The following PRPF6 variants were observed in gnomAD, a reference collection of about 807,000 sequenced individuals.
The protein encoded by PRPF6 is pre-mRNA processing factor 6.
Under a neutral mutation model 118.3 loss-of-function variants are expected in PRPF6, and 42 were observed. That is an observed-to-expected ratio of 0.35 (90% confidence interval 0.28 to 0.46). The LOEUF (loss-of-function observed/expected upper bound fraction) is 0.46. Among genes scored for constraint, PRPF6 ranks in the 20% least tolerant of loss-of-function variants. The pLI is 1.00. For synonymous variants in PRPF6, 481 were observed against 485.1 expected (o/e 0.99, Z 0.11); for missense variants, 662 against 1,255.7 (o/e 0.53, Z 7.15).
intron 3 of PRPF6, among the ~76,000 whole-genome samples, chr20:63,988,365 T>C (rs543554965): frequency 1.7e-3 from 243 of 142,062 alleles, no homozygotes; most frequent in Non-Finnish European, 2.8e-3. Context: ...GGTGTGGGGG[T>C]GCACGCCTGT....
In PRPF6 at chr20:64,011,773, A is replaced by G. The variant is rs2059218380; in HGVS notation, c.1524+270A>G. Reference sequence around the variant, plus strand: ...CTGCATTTCTTTGCTAGTAGAAATGATACACCTACGAGAGGAGGACAGGAA... The same window carrying G: ...CTGCATTTCTTTGCTAGTAGAAATGGTACACCTACGAGAGGAGGACAGGAA... On this transcript the variant is annotated intron_variant, in intron 11 of 20. Coordinates refer to ENST00000266079, the MANE Select transcript of PRPF6 (RefSeq NM_012469.4). The surrounding 1 kb of genome is among the most constrained non-coding windows in gnomAD (Gnocchi z 6.7). 6.7e-6 allele frequency among the ~76,000 whole-genome samples: 1 copy of G among 150,148 alleles called. No homozygotes were observed. Among genetic ancestry groups the G allele is most frequent in the South Asian group, 2.1e-4 (1 of 4,706 alleles).
chr20:64,031,840 G>T, intron 19 of PRPF6, 78 bp from the exon 20 acceptor site: 5 of 1,598,164 alleles, frequency 3.1e-6, no homozygotes, highest in Non-Finnish European at 4.3e-6. Flanking sequence ...GAAGCTGATG[G>T]CCCTGAAGCC....
intron 12 of PRPF6, among the ~76,000 whole-genome samples, chr20:64,019,487 T>C (rs2059253621): frequency 6.6e-6 from 1 of 152,206 alleles, no homozygotes; most frequent in Non-Finnish European, 1.5e-5. Context: ...GACAGTGTTT[T>C]CTGTGCCCAG....
chr20:64,016,078 A>G (rs1480463110), intron 11 of PRPF6, among the ~76,000 whole-genome samples: 1 of 151,500 alleles, frequency 6.6e-6, no homozygotes, highest in East Asian at 1.9e-4. Flanking sequence ...TGATTGTACC[A>G]CAGCACTTCA....
chr20:63,991,739 G>T (rs1458949627), intron 3 of PRPF6, among the ~76,000 whole-genome samples: 1 of 151,832 alleles, frequency 6.6e-6, no homozygotes, highest in African/African-American at 2.4e-5. Context: ...GCAGTGAGCT[G>T]AGATCGCACC....
At chr20:64,031,804 G>C in intron 19 of PRPF6, 114 bp from the exon 20 acceptor site, 1 of 1,437,290 alleles carries the variant, frequency 7.0e-7, no homozygotes, top group African/African-American at 1.4e-5. Context: ...TTCTTGAGGG[G>C]AGCACCAGGG....
Position 64,024,458 on chromosome 20 carries a change from G to C in PRPF6, c.1770-97G>C, listed in dbSNP as rs544244065. 1,733 of 1,500,374 alleles carry C rather than the reference G, an allele frequency of 1.2e-3. 1 individual carries two copies. Among genetic ancestry groups the C allele is most frequent in the Non-Finnish European group, 1.4e-3 (1,542 of 1,079,626 alleles). 92.9% of individuals were successfully genotyped at this position (1,500,374 alleles called of 1,614,324 possible). A position where few individuals can be genotyped will look rare whatever the true frequency, so the allele number is the denominator to read the frequency against. ...ATTTATAGCATCGAACTTTGGAGCAGTAACTGTCTTTCTGGCGTGCCCACG... is the reference window on the plus strand; with the variant it reads ...ATTTATAGCATCGAACTTTGGAGCACTAACTGTCTTTCTGGCGTGCCCACG... On this transcript the variant is annotated intron_variant, in intron 13 of 20. Coordinates refer to ENST00000266079, the MANE Select transcript of PRPF6 (RefSeq NM_012469.4).
Position 64,016,858 on chromosome 20 carries a change from CAG to C in PRPF6, c.1647+14_1647+15del, listed in dbSNP as rs756015308. The C allele has an allele frequency of 3.7e-6, 6 of 1,613,932 alleles. No individual in the cohort carries two copies. Among genetic ancestry groups the C allele is most frequent in the Admixed American group, 1.7e-5 (1 of 60,002 alleles). ...GGATGCTGACAGTGTGAGTTGGCAA[CAG>C]GGGCCTTTGTCCGTAATATGGAGTC... On this transcript the variant is annotated intron_variant, in intron 12 of 20. Transcript: ENST00000266079.
At chr20:63,986,345 CAAAA>C (rs931360870) in intron 3 of PRPF6, among the ~76,000 whole-genome samples, 1 of 45,348 alleles carries the variant, frequency 2.2e-5, no homozygotes, top group African/African-American at 7.6e-5. Context: ...GACTCCATCT[CAAAA>C]AAAAAAAAAA....
At chr20:63,984,578 G>T (rs2059085427) in intron 2 of PRPF6, among the ~76,000 whole-genome samples, 1 of 152,166 alleles carries the variant, frequency 6.6e-6, no homozygotes, top group African/African-American at 2.4e-5. Flanking sequence ...AGTTAACATT[G>T]ACACAGTACT....
intron 9 of PRPF6, among the ~76,000 whole-genome samples, chr20:64,002,794 C>T (rs62218088): frequency 6.6e-6 from 1 of 151,842 alleles, no homozygotes; most frequent in African/African-American, 2.4e-5. Context: ...CAGGCACCTG[C>T]CACCACGCCT....
intron 1 of PRPF6, among the ~76,000 whole-genome samples, chr20:63,981,651 CCCG>C (rs1291136016): frequency 5.5e-5 from 8 of 144,158 alleles, no homozygotes; most frequent in South Asian, 2.4e-4. Context: ...ACTCCCCCCC[CCCG>C]CCCGCCCGCC....
rs1412263243 is a variant in PRPF6, at chr20:64,026,145, T to C, written c.2028+87T>C. On this transcript the variant is annotated intron_variant, in intron 15 of 20. Transcript: ENST00000266079. This position sits in a 1 kb window ranked among gnomAD's most constrained non-coding sequence, Gnocchi z 4.4. ...CGCCTGGCTTGGGTGGTGATGGGAG[T>C]GAGATGACGGCAGGCAAACGAGACC... The C allele has an allele frequency of 1.3e-6, 2 of 1,579,990 alleles. No individual in the cohort carries two copies. Among genetic ancestry groups the C allele is most frequent in the African/African-American group, 2.7e-5 (2 of 74,344 alleles).
chr20:63,983,629 C>T (rs1471797448), intron 2 of PRPF6, among the ~76,000 whole-genome samples: 4 of 148,980 alleles, frequency 2.7e-5, no homozygotes, highest in Non-Finnish European at 5.9e-5. Flanking sequence ...GGACCACTGC[C>T]TTGGCATTTC....
Position 64,027,848 on chromosome 20 carries a change from G to C in PRPF6, c.2339+112G>C. ...CTCGTGCAGTGCTTCCAGGCTCAGG[G>C]GCTTGGGGGGCGGTAGGTGCTGGCC... On this transcript the variant is annotated intron_variant, in intron 17 of 20. Coordinates refer to ENST00000266079, the MANE Select transcript of PRPF6 (RefSeq NM_012469.4). This position sits in a 1 kb window ranked among gnomAD's most constrained non-coding sequence, Gnocchi z 6.5. 1 of 1,475,052 alleles carries C rather than the reference G, an allele frequency of 6.8e-7. No individual in the cohort carries two copies. The highest frequency in any genetic ancestry group is 1.1e-5 in the South Asian group (1 of 87,582). 91.4% of individuals were successfully genotyped at this position (1,475,052 alleles called of 1,614,324 possible).
chr20:63,988,911 A>G (rs2059106732), intron 3 of PRPF6, among the ~76,000 whole-genome samples: 1 of 152,114 alleles, frequency 6.6e-6, no homozygotes, highest in African/African-American at 2.4e-5. Flanking sequence ...TAAAATGTAC[A>G]TGGAGCCAAA....
At position 64,026,801 on chromosome 20, in the gene PRPF6, A is replaced by G. The variant is rs1360517998; in HGVS notation, c.2029-181A>G. Among the ~76,000 whole-genome samples, 1 of 89,686 alleles carries G rather than the reference A, an allele frequency of 1.1e-5. No homozygotes were observed. The highest frequency in any genetic ancestry group is 2.1e-4 in the East Asian group (1 of 4,752). 58.8% of individuals were successfully genotyped at this position (89,686 alleles called of 152,430 possible). On this transcript the variant is annotated intron_variant, in intron 15 of 20. Transcript: ENST00000266079. This position sits in a 1 kb window ranked among gnomAD's most constrained non-coding sequence, Gnocchi z 4.4. ...GGTGACAGAGCGAGACTCTATCTCA[A>G]AAAAAAACAAAACAAAACAAAAACA...
At position 64,029,285 on chromosome 20, in the gene PRPF6, G is replaced by A; in HGVS notation, c.2432-92G>A. 1 of 1,154,428 alleles carries A rather than the reference G, an allele frequency of 8.7e-7. No homozygotes were observed. Among genetic ancestry groups the A allele is most frequent in the Non-Finnish European group, 1.3e-6 (1 of 768,532 alleles). 71.5% of individuals were successfully genotyped at this position (1,154,428 alleles called of 1,614,324 possible). On this transcript the variant is annotated intron_variant, in intron 18 of 20. Coordinates refer to ENST00000266079, the MANE Select transcript of PRPF6 (RefSeq NM_012469.4). The surrounding 1 kb of genome is among the most constrained non-coding windows in gnomAD (Gnocchi z 4.8). ...GTGTGGGAGGCCCCTGTCGTGGTCT[G>A]AGGACGTCCCGGGTTAGAATCTGTA...
At position 64,026,074 on chromosome 20, in the gene PRPF6, C is replaced by A. The variant is rs973517722; in HGVS notation, c.2028+16C>A. The A allele has an allele frequency of 1.5e-5, 24 of 1,600,740 alleles. No homozygotes were observed. The highest frequency in any genetic ancestry group is 2.0e-5 in the Non-Finnish European group (24 of 1,179,516). On this transcript the variant is annotated intron_variant, in intron 15 of 20. Transcript: ENST00000266079. This position sits in a 1 kb window ranked among gnomAD's most constrained non-coding sequence, Gnocchi z 4.4. ...CACCGCCCGGGTACGCAGTGGCAGG[C>A]AGGGCTGGGCCGTCTGGGGTGCATG...
Sources: allele counts gnomAD v4.1 joint callset (sites outside exome capture counted in the v4.1 genomes callset), GRCh38; gene constraint gnomAD v4.1.1; non-coding constraint Gnocchi (gnomAD v3.1); transcripts MANE v1.5; gene names NCBI Gene and HGNC (gene_info 2026-07-23, HGNC 2026-07-21).